Variants in SCAPER observed in about 807,000 individuals in gnomAD.
SCAPER encodes the protein S phase cyclin A-associated protein in the endoplasmic reticulum.
SCAPER carries 98 observed loss-of-function variants against 182.2 expected under a neutral mutation model. The ratio of observed to expected loss-of-function variants is 0.54; its 90% CI spans 0.46 to 0.64. The LOEUF is 0.64. Ranked by LOEUF, SCAPER falls within the 30% of genes least tolerant of loss-of-function variation. The pLI is 0.00. For synonymous variants in SCAPER, 605 were observed against 564.6 expected (o/e 1.07, Z -1.01); for missense variants, 1,432 against 1,690.0 (o/e 0.85, Z 2.68).
intron 15 of SCAPER, among the ~76,000 whole-genome samples, chr15:76,744,273 CA>C (rs973228922): frequency 5.3e-5 from 8 of 151,978 alleles, no homozygotes; most frequent in African/African-American, 1.9e-4. Context: ...GGAACAAAAA[CA>C]AAAGTTGACA....
chr15:76,734,236 A>G (rs906614651), intron 15 of SCAPER, among the ~76,000 whole-genome samples: 2 of 152,208 alleles, frequency 1.3e-5, no homozygotes, highest in South Asian at 2.1e-4. Context: ...GTTTTGCTAG[A>G]AAGTACAGAT....
intron 27 of SCAPER, among the ~76,000 whole-genome samples, chr15:76,388,228 G>T (rs898401418): frequency 2.0e-5 from 3 of 152,324 alleles, no homozygotes; most frequent in East Asian, 3.9e-4. Context: ...TCTTCAAACT[G>T]AAGAAGTATT....
intron 5 of SCAPER, among the ~76,000 whole-genome samples, chr15:76,809,148 A>G (rs116349790): frequency 6.4e-4 from 98 of 152,304 alleles, no homozygotes; most frequent in African/African-American, 2.2e-3. Flanking sequence ...TCCATCTCCT[A>G]CAGAAGGCCA....
At chr15:76,605,311 A>T (rs1177359580) in intron 22 of SCAPER, among the ~76,000 whole-genome samples, 1 of 151,676 alleles carries the variant, frequency 6.6e-6, no homozygotes, top group Non-Finnish European at 1.5e-5. Context: ...TTCTGTTTAT[A>T]TGCTGGATTA....
At position 76,862,278 on chromosome 15, in the gene SCAPER, A is replaced by G. The variant is rs2071939990; in HGVS notation, c.124+138T>C. ...TATAAAACCATGTGTGTATAAAAGC[A>G]ACAAAAAAGTATTTCTTATTTAACA... On this transcript the variant is annotated intron_variant, in intron 3 of 31. Coordinates refer to ENST00000563290, the MANE Select transcript of SCAPER (RefSeq NM_020843.4). 7.4e-6 allele frequency: 4 copies of G among 541,626 alleles called. No homozygotes were observed. The East Asian group carries it at 1.3e-4, about 17-fold the overall frequency. The allele number at this position is 541,626 out of a possible 1,614,324, so 33.6% of individuals were successfully genotyped here. A position where few individuals can be genotyped will look rare whatever the true frequency, so the allele number is the denominator to read the frequency against.
intron 22 of SCAPER, among the ~76,000 whole-genome samples, chr15:76,617,071 A>G (rs932165116): frequency 1.3e-5 from 2 of 152,114 alleles, no homozygotes; most frequent in African/African-American, 4.8e-5. Context: ...TATATATTAC[A>G]TGAGCTCTTT....
At chr15:76,754,049 G>A in intron 14 of SCAPER, 101 bp from the exon 15 acceptor site, 1 of 1,254,098 alleles carries the variant, frequency 8.0e-7, no homozygotes, top group East Asian at 2.4e-5. Context: ...CTCTAAGCGT[G>A]GAAAAATGTG....
intron 5 of SCAPER, among the ~76,000 whole-genome samples, chr15:76,809,417 C>T (rs898644954): frequency 6.6e-6 from 1 of 151,854 alleles, no homozygotes; most frequent in Admixed American, 6.6e-5. Flanking sequence ...ACAGAAAATA[C>T]AAAAAGTACC....
intron 23 of SCAPER, among the ~76,000 whole-genome samples, chr15:76,505,597 A>G (rs2041499987): frequency 6.6e-6 from 1 of 152,204 alleles, no homozygotes; most frequent in Non-Finnish European, 1.5e-5. Flanking sequence ...GGTAGTAACA[A>G]ATGCTGGTGA....
chr15:76,451,879 G>C (rs1465814014), intron 25 of SCAPER, among the ~76,000 whole-genome samples: 2 of 152,210 alleles, frequency 1.3e-5, no homozygotes, highest in African/African-American at 2.4e-5. Context: ...AAAGAGGGCA[G>C]GCTGTGACTG....
intron 10 of SCAPER, 50 bp downstream of exon 10, chr15:76,771,692 A>G: frequency 1.4e-6 from 2 of 1,400,406 alleles, no homozygotes; most frequent in Non-Finnish European, 1.0e-6. Flanking sequence ...TGCTTCTTAA[A>G]TATACTCAGA....
chr15:76,672,943 A>T (rs1041189186), intron 20 of SCAPER, among the ~76,000 whole-genome samples: 1 of 152,142 alleles, frequency 6.6e-6, no homozygotes, highest in African/African-American at 2.4e-5. Flanking sequence ...AGCCTTAAAT[A>T]AAAAGAAAAT....
chr15:76,501,084 C>T (rs1341807919), intron 24 of SCAPER, among the ~76,000 whole-genome samples: 3 of 151,686 alleles, frequency 2.0e-5, no homozygotes, highest in Non-Finnish European at 4.4e-5. Context: ...CATTAGTCTA[C>T]CCCAAAGGAG....
At position 76,540,022 on chromosome 15, in the gene SCAPER, T is replaced by G. The variant is rs1315604824; in HGVS notation, c.2838+34136A>C. ...GTTAAATAAGTTATTGGTACAACTA[T>G]TCCATGGAATACTATTCAGTCTTTA... On this transcript the variant is annotated intron_variant, in intron 23 of 31. Coordinates refer to ENST00000563290, the MANE Select transcript of SCAPER (RefSeq NM_020843.4). 3.3e-5 allele frequency among the ~76,000 whole-genome samples: 5 copies of G among 152,328 alleles called. No individual in the cohort carries two copies. In the East Asian group the frequency reaches 7.7e-4, roughly 23 times the overall value.
intron 22 of SCAPER, among the ~76,000 whole-genome samples, chr15:76,617,840 T>C (rs906773885): frequency 2.0e-5 from 3 of 152,230 alleles, no homozygotes; most frequent in Non-Finnish European, 4.4e-5. Flanking sequence ...AGCAAAGTTC[T>C]ACTGCAAAGG....
chr15:76,760,313 C>A (rs535256362), intron 14 of SCAPER, among the ~76,000 whole-genome samples: 16 of 152,256 alleles, frequency 1.1e-4, no homozygotes, highest in African/African-American at 3.9e-4. Context: ...GAGTGGCCCA[C>A]AGAACTAAAG....
intron 26 of SCAPER, among the ~76,000 whole-genome samples, chr15:76,409,345 AAC>A (rs775759458): frequency 6.6e-6 from 1 of 152,208 alleles, no homozygotes; most frequent in Non-Finnish European, 1.5e-5. Flanking sequence ...GTCTTCTTGG[AAC>A]ACACATCCTG....
chr15:76,368,596 C>T (rs1265039459), intron 29 of SCAPER, among the ~76,000 whole-genome samples: 2 of 152,148 alleles, frequency 1.3e-5, no homozygotes, highest in African/African-American at 4.8e-5. Flanking sequence ...TTTGACAGGG[C>T]GTGGTGCAGA....
chr15:76,780,559 A>G (rs2064057153), intron 8 of SCAPER, among the ~76,000 whole-genome samples: 1 of 152,240 alleles, frequency 6.6e-6, no homozygotes, highest in African/African-American at 2.4e-5. Context: ...CTCAGAGAAC[A>G]GACAGACTGC....
Sources: allele counts gnomAD v4.1 joint callset (sites outside exome capture counted in the v4.1 genomes callset), GRCh38; gene constraint gnomAD v4.1.1; transcripts MANE v1.5; gene names NCBI Gene and HGNC (gene_info 2026-07-23, HGNC 2026-07-21).